TTC6: variants seen among roughly 807,000 people sequenced by gnomAD.
TTC6 encodes tetratricopeptide repeat domain 6, also known as tetratricopeptide repeat protein 6.
A neutral mutation model predicts 210.4 loss-of-function variants in TTC6; 172 were observed. That is an observed-to-expected ratio of 0.82 (90% CI 0.72 to 0.93). The LOEUF is 0.93. Ranked by LOEUF, TTC6 falls within the 40% of genes least tolerant of loss-of-function variation. The probability of loss-of-function intolerance (pLI) is 0.00; values close to 1 mark genes in which losing one functional copy is unlikely to be tolerated. For missense variants in TTC6, 2,414 were observed against 2,318.1 expected, an observed-to-expected ratio of 1.04 and a Z score of -0.85; for synonymous variants, 804 against 819.6, an observed-to-expected ratio of 0.98 and a Z score of 0.32.
chr14:37,817,565 A>G lies in TTC6; in HGVS notation c.4690-13A>G, dbSNP rs1466214114. ...TGTTGCAAAATTAACAAAAGCTTATAACATTATTTCAGGATTTTAAACAAG... is the reference window on the plus strand; with the variant it reads ...TGTTGCAAAATTAACAAAAGCTTATGACATTATTTCAGGATTTTAAACAAG... On this transcript the variant is annotated splice_polypyrimidine_tract_variant and intron_variant, in intron 25 of 30. Transcript: ENST00000553443. The G allele has an allele frequency of 1.2e-6, 2 of 1,611,970 alleles. No individual in the cohort carries two copies. Among genetic ancestry groups the G allele is most frequent in the Non-Finnish European group, 1.7e-6 (2 of 1,179,204 alleles).
In TTC6 at chr14:37,771,163, C is replaced by T. The variant is rs191940628; in HGVS notation, c.3267-16305C>T. ...CTCTTCTGGCTTATAGGGTTTCTGC[C>T]GAGAGATCCACTGTTAGTCTGATGG... On this transcript the variant is annotated intron_variant, in intron 14 of 30. Coordinates refer to ENST00000553443, the Ensembl canonical transcript of TTC6. Among the ~76,000 whole-genome samples the T allele has an allele frequency of 4.0e-4, 60 of 151,448 alleles. 1 individual carries two copies. The Middle Eastern group carries it at 0.01, about 26-fold the overall frequency.
intron 14 of TTC6, among the ~76,000 whole-genome samples, chr14:37,755,443 A>G (rs2095964699): frequency 6.6e-6 from 1 of 152,174 alleles, no homozygotes; most frequent in Non-Finnish European, 1.5e-5. Context: ...TTAGACATGA[A>G]GTCTTTGCCC....
rs2095824906 is a variant in TTC6, at chr14:37,701,345, T to C, written c.1390T>C (p.Tyr464His). The change falls in exon 5 of 31, where the codon TAC (tyrosine) becomes CAC (histidine). Residue 464 changes from tyrosine to histidine, a missense_variant. Coordinates refer to ENST00000553443, the Ensembl canonical transcript of TTC6. Reference sequence around the variant, plus strand: ...TCTCTGTTGCAGAATTCCACAAGACTACTCCATGCCGCACCTTCATGATCT... The same window carrying C: ...TCTCTGTTGCAGAATTCCACAAGACCACTCCATGCCGCACCTTCATGATCT... 8 of 1,432,308 alleles carry C rather than the reference T, an allele frequency of 5.6e-6. No individual in the cohort carries two copies. The East Asian group carries it at 1.0e-4, about 19-fold the overall frequency. The allele number at this position is 1,432,308 out of a possible 1,614,324, so 88.7% of individuals were successfully genotyped here. A position where few individuals can be genotyped will look rare whatever the true frequency, so the allele number is the denominator to read the frequency against.
intron 7 of TTC6, among the ~76,000 whole-genome samples, chr14:37,725,348 A>ATATATGTATATATATATATATATATATG (rs1555391430): frequency 8.8e-6 from 1 of 113,294 alleles, no homozygotes; most frequent in African/African-American, 3.3e-5. Flanking sequence ...ATATATATAT[A>ATATATGTATATATATATATATATATATG]TATATATATA....
intron 1 of TTC6, among the ~76,000 whole-genome samples, chr14:37,642,295 G>C (rs1227952000): frequency 1.3e-5 from 2 of 152,164 alleles, no homozygotes; most frequent in Non-Finnish European, 2.9e-5. Context: ...TGTGGAATGA[G>C]ACTTGGGCTG....
chr14:37,840,911 C>A (rs1302716503), intron 29 of TTC6, among the ~76,000 whole-genome samples: 1 of 149,394 alleles, frequency 6.7e-6, no homozygotes, highest in Non-Finnish European at 1.5e-5. Context: ...CTCTGTCACC[C>A]AGGCTGGAGT....
intron 1 of TTC6, among the ~76,000 whole-genome samples, chr14:37,602,118 G>T (rs1398202817): frequency 6.6e-6 from 1 of 152,230 alleles, no homozygotes; most frequent in Non-Finnish European, 1.5e-5. Context: ...TCTTGGGGGC[G>T]CCTGGGGCTC....
chr14:37,720,836 G>T (rs141275385), intron 6 of TTC6, among the ~76,000 whole-genome samples: 3 of 152,174 alleles, frequency 2.0e-5, no homozygotes, highest in Admixed American at 1.3e-4. Flanking sequence ...CAGGATGGGG[G>T]TTAGGATGAG....
chr14:37,833,942 A>G (rs565790725), intron 29 of TTC6, among the ~76,000 whole-genome samples: 46 of 152,264 alleles, frequency 3.0e-4, no homozygotes, highest in African/African-American at 1.1e-3. Context: ...TTTTTGAACA[A>G]TAACTTTGAT....
At chr14:37,767,214 G>A (rs188029174) in intron 14 of TTC6, among the ~76,000 whole-genome samples, 16 of 152,270 alleles carry the variant, frequency 1.1e-4, no homozygotes, top group Admixed American at 4.6e-4. Flanking sequence ...GGACATTTGG[G>A]TTGGTTCCAA....
chr14:37,832,327 CTCTTTTTT>C (rs1250607861), intron 29 of TTC6, among the ~76,000 whole-genome samples: 2 of 63,242 alleles, frequency 3.2e-5, no homozygotes, highest in Admixed American at 2.3e-4. Flanking sequence ...TTTTCTTTCT[CTCTTTTTT>C]TTTTTTTTTT....
At chr14:37,824,484 A>C (rs1429557082) in intron 27 of TTC6, among the ~76,000 whole-genome samples, 3 of 152,192 alleles carry the variant, frequency 2.0e-5, no homozygotes, top group Non-Finnish European at 4.4e-5. Context: ...GATCATCATC[A>C]TTCATTGCAT....
chr14:37,804,941 T>G, intron 21 of TTC6, 127 bp downstream of exon 23: 1 of 973,662 alleles, frequency 1.0e-6, no homozygotes, highest in Non-Finnish European at 1.6e-6. Flanking sequence ...GAAGCTTGGC[T>G]TGTTATAGTC....
chr14:37,788,117 C>T (rs192694991), intron 15 of TTC6, among the ~76,000 whole-genome samples: 1 of 152,132 alleles, frequency 6.6e-6, no homozygotes, highest in Admixed American at 6.5e-5. Flanking sequence ...TTTTTAACCC[C>T]TAAACTAAAA....
At chr14:37,736,002 A>G in exon 8 of TTC6, 4 of 1,521,214 alleles carry the variant, frequency 2.6e-6, no homozygotes, top group Non-Finnish European at 3.5e-6. Flanking sequence ...TAGCAGAACA[A>G]ATTTTTGGGT....
At chr14:37,688,034 T>G (rs2095797199) in intron 3 of TTC6, among the ~76,000 whole-genome samples, 1 of 152,224 alleles carries the variant, frequency 6.6e-6, no homozygotes, top group South Asian at 2.1e-4. Flanking sequence ...ACACCATTTC[T>G]GGACCTGCCC....
intron 29 of TTC6, among the ~76,000 whole-genome samples, chr14:37,837,023 G>T (rs970282835): frequency 3.3e-5 from 5 of 152,014 alleles, no homozygotes; most frequent in Non-Finnish European, 5.9e-5. Flanking sequence ...CAACATAAGG[G>T]CATTAGACCA....
intron 14 of TTC6, among the ~76,000 whole-genome samples, chr14:37,779,673 G>T (rs548967870): frequency 4.0e-4 from 61 of 152,186 alleles, no homozygotes; most frequent in Middle Eastern, 6.8e-3. Context: ...TTGCTGAGAG[G>T]GCAAAATTTT....
exon 2 of TTC6, chr14:37,680,184 A>G: frequency 1.3e-6 from 2 of 1,533,710 alleles, no homozygotes; most frequent in East Asian, 4.9e-5. Flanking sequence ...GTACCTCAAA[A>G]CATCACCTAT....
Sources: gnomAD v4.1 joint callset for allele counts (sites outside exome capture counted in the v4.1 genomes callset) on GRCh38, gnomAD v4.1.1 for gene constraint, MANE v1.5 for transcripts, NCBI Gene and HGNC (gene_info 2026-07-23, HGNC 2026-07-21) for gene names.